PDE1C: variants seen among roughly 807,000 people sequenced by gnomAD.
PDE1C encodes dual specificity calcium/calmodulin-dependent 3',5'-cyclic nucleotide phosphodiesterase 1C.
Under a neutral mutation model 93.1 loss-of-function variants are expected in PDE1C, and 62 were observed. The ratio of observed to expected loss-of-function variants is 0.67; its 90% CI spans 0.54 to 0.82. The LOEUF (loss-of-function observed/expected upper bound fraction) is 0.82. PDE1C is among the 40% of genes least tolerant of loss of function. The probability of loss-of-function intolerance (pLI) is 0.00; values close to 1 mark genes in which losing one functional copy is unlikely to be tolerated. For synonymous variants in PDE1C, 325 were observed against 310.1 expected (o/e 1.05, Z -0.50); for missense variants, 742 against 884.6 (o/e 0.84, Z 2.04).
In PDE1C at chr7:31,933,165, T is replaced by C. The variant is rs553236652; in HGVS notation, c.129-52305A>G. On this transcript the variant is annotated intron_variant, in intron 2 of 17. Coordinates refer to ENST00000396191, the MANE Select transcript of PDE1C (RefSeq NM_001191057.4). ...GGTTGATGGGTGCAGCAAGCCACCA[T>C]GGTACATGTATACCTATGTAACAAA... Among the ~76,000 whole-genome samples the C allele has an allele frequency of 6.6e-5, 10 of 152,244 alleles. No homozygotes were observed. In the East Asian group the frequency reaches 7.7e-4, roughly 12 times the overall value.
At chr7:31,928,245 G>T (rs1053819164) in intron 2 of PDE1C, among the ~76,000 whole-genome samples, 3 of 151,950 alleles carry the variant, frequency 2.0e-5, no homozygotes, top group Non-Finnish European at 2.9e-5. Flanking sequence ...AGAGAAAAAA[G>T]AATGAAAAGG....
At chr7:32,317,471 T>C (rs1232231780) in intron 1 of PDE1C, among the ~76,000 whole-genome samples, 1 of 152,108 alleles carries the variant, frequency 6.6e-6, no homozygotes, top group African/African-American at 2.4e-5. Context: ...AAATTCCAGA[T>C]ACCCTCTTCT....
intron 2 of PDE1C, among the ~76,000 whole-genome samples, chr7:31,902,706 T>A (rs1454459213): frequency 6.6e-6 from 1 of 151,710 alleles, no homozygotes; most frequent in Non-Finnish European, 1.5e-5. Flanking sequence ...ATTATTGTAA[T>A]ATCACACGAT....
intron 1 of PDE1C, among the ~76,000 whole-genome samples, chr7:32,068,897 A>G (rs532824602): frequency 6.6e-6 from 1 of 152,376 alleles, no homozygotes; most frequent in South Asian, 2.1e-4. Flanking sequence ...TTCTGTGTGC[A>G]GCACAATACA....
chr7:31,972,774 A>G (rs554693119), intron 2 of PDE1C, among the ~76,000 whole-genome samples: 1 of 152,290 alleles, frequency 6.6e-6, no homozygotes, highest in East Asian at 1.9e-4. Flanking sequence ...AAGATGTCCC[A>G]GGTAGGTGCT....
At position 31,871,079 on chromosome 7, in the gene PDE1C, G is replaced by A. The variant is rs77388247; in HGVS notation, c.609+2213C>T. ...ATAAGAAACCCATAAATAAATCCAC[G>A]TATTTGCAGCTAACTGATTTTTGAC... is the stretch of plus-strand genomic sequence containing the variant. On this transcript the variant is annotated intron_variant, in intron 6 of 17. Coordinates refer to ENST00000396191, the MANE Select transcript of PDE1C (RefSeq NM_001191057.4). Among the ~76,000 whole-genome samples the A allele has an allele frequency of 9.9e-3, 1,497 of 151,730 alleles. 14 individuals are homozygous for A. The highest frequency in any genetic ancestry group is 0.034 in the African/African-American group (1,397 of 41,456).
chr7:32,075,497 C>T (rs1024062970), upstream of PDE1C, among the ~76,000 whole-genome samples: 42 of 152,200 alleles, frequency 2.8e-4, no homozygotes, highest in Admixed American at 2.4e-3. Context: ...GCCTCTTTGG[C>T]GACACTGTTA....
chr7:32,018,187 T>C (rs1028440722), intron 2 of PDE1C, among the ~76,000 whole-genome samples: 18 of 151,842 alleles, frequency 1.2e-4, no homozygotes, highest in African/African-American at 4.1e-4. Context: ...TGCTGAGAAA[T>C]TGGAACCCTC....
At chr7:31,884,880 A>G (rs1473424151) in intron 2 of PDE1C, among the ~76,000 whole-genome samples, 2 of 152,238 alleles carry the variant, frequency 1.3e-5, no homozygotes, top group East Asian at 3.8e-4. Flanking sequence ...ATCTATCTTA[A>G]GAAGGGTTGT....
intron 1 of PDE1C, among the ~76,000 whole-genome samples, chr7:32,259,960 T>C (rs899441081): frequency 1.2e-4 from 18 of 152,212 alleles, no homozygotes; most frequent in Non-Finnish European, 2.2e-4. Context: ...CACCCAGCCA[T>C]GGCTTGGTGC....
At chr7:32,088,640 C>T (rs532639207) in intron 3 of PDE1C, among the ~76,000 whole-genome samples, 107 of 152,308 alleles carry the variant, frequency 7.0e-4, no homozygotes, top group South Asian at 1.0e-3. Flanking sequence ...TGTGTGATGT[C>T]GCTGGGTGTT....
In PDE1C at chr7:31,837,901, C is replaced by T; in HGVS notation, c.1051G>A (p.Ala351Thr). The part of the protein sequence containing the change: ...DMSCHFQQIK[A>T]MKTALQQPEA... ...GGCTGCTGCAGAGCAGTCTTCATTG[C>T]TTTGATTTGTTGGAAGTGACAAGAC... The change falls in exon 10 of 18, where the codon GCA becomes ACA. Residue 351 changes from alanine (A) to threonine (T), a missense_variant. Transcript: ENST00000396191. 6.2e-7 allele frequency: 1 copy of T among 1,613,668 alleles called. No individual in the cohort carries two copies.
intron 2 of PDE1C, among the ~76,000 whole-genome samples, chr7:31,904,499 C>A (rs544466218): frequency 1.3e-5 from 2 of 152,058 alleles, no homozygotes; most frequent in South Asian, 2.1e-4. Context: ...AAATCTAAAT[C>A]CACTGTGTCC....
intron 6 of PDE1C, among the ~76,000 whole-genome samples, chr7:31,865,392 C>T (rs957353228): frequency 6.6e-6 from 1 of 152,124 alleles, no homozygotes; most frequent in African/African-American, 2.4e-5. Context: ...ATTTTTAATA[C>T]ACACATAGAA....
chr7:31,998,955 G>T (rs1341881785), intron 2 of PDE1C, among the ~76,000 whole-genome samples: 1 of 152,202 alleles, frequency 6.6e-6, no homozygotes, highest in African/African-American at 2.4e-5. Context: ...AGACTGGGCT[G>T]CCAGAAAAAC....
rs771548899 is a variant in PDE1C at position 31,823,201 on chromosome 7, G to T, written c.1454C>A (p.Thr485Asn). 28 of 1,612,998 alleles carry T rather than the reference G, an allele frequency of 1.7e-5. No homozygotes were observed. The highest frequency in any genetic ancestry group is 2.7e-5 in the African/African-American group (2 of 74,838). Residue 485 changes from threonine (T) to asparagine (N), a missense_variant, in exon 14 of 18, where the codon ACC (threonine) becomes AAC (asparagine). Transcript: ENST00000396191. ...SSDAKRSGVK[T>N]SGSEGSAPIN... ...CGGGGCACTTCCCTCTGAACCAGAG[G>T]TCTTGACACCTGATCGCTTGGCATC...
chr7:32,191,627 T>C (rs758984661), intron 2 of PDE1C, among the ~76,000 whole-genome samples: 9 of 152,214 alleles, frequency 5.9e-5, no homozygotes, highest in Non-Finnish European at 1.2e-4. Flanking sequence ...TCTGTTAGAA[T>C]ACATCTGGGT....
intron 1 of PDE1C, among the ~76,000 whole-genome samples, chr7:32,314,957 G>T (rs530086433): frequency 6.7e-6 from 1 of 149,248 alleles, no homozygotes; most frequent in South Asian, 2.2e-4. Context: ...AACATGCATC[G>T]CCACAGATAC....
At chr7:32,140,135 T>G (rs1800433417) in intron 3 of PDE1C, among the ~76,000 whole-genome samples, 1 of 152,244 alleles carries the variant, frequency 6.6e-6, no homozygotes, top group Non-Finnish European at 1.5e-5. Context: ...TGCCATCTAT[T>G]AAGTGCTGGA....
Sources: allele counts gnomAD v4.1 joint callset (sites outside exome capture counted in the v4.1 genomes callset), GRCh38; gene constraint gnomAD v4.1.1; transcripts MANE v1.5; gene names NCBI Gene and HGNC (gene_info 2026-07-23, HGNC 2026-07-21).